Variants in DNAH6 observed in about 807,000 individuals in gnomAD.
DNAH6 encodes dynein axonemal heavy chain 6.
In DNAH6, 340 loss-of-function variants were observed where a neutral mutation model predicts 491.4. That is an observed-to-expected ratio of 0.69 (90% CI 0.63 to 0.76). DNAH6 has a LOEUF of 0.76. Ranked by LOEUF, DNAH6 falls within the 30% of genes least tolerant of loss-of-function variation. The pLI, the probability that DNAH6 is intolerant of heterozygous loss-of-function variation, is 0.00. For synonymous variants in DNAH6, 1,603 were observed against 1,686.1 expected, an observed-to-expected ratio of 0.95 and a Z score of 1.21; for missense variants, 4,443 against 4,972.2, an observed-to-expected ratio of 0.89 and a Z score of 3.20.
chr2:84,698,303 C>G (rs1337662336), intron 47 of DNAH6, among the ~76,000 whole-genome samples: 8 of 152,150 alleles, frequency 5.3e-5, no homozygotes, highest in African/African-American at 1.7e-4. Flanking sequence ...ATTGTCTCTC[C>G]TGCTAGGTCG....
chr2:84,605,626 A>G (rs955486374), intron 20 of DNAH6, 34 bp downstream of exon 20: 1 of 1,397,500 alleles, frequency 7.2e-7, no homozygotes, highest in East Asian at 2.5e-5. Flanking sequence ...CTTATGGTAA[A>G]GATCCCAGCC....
intron 64 of DNAH6, among the ~76,000 whole-genome samples, chr2:84,768,323 T>C (rs955756527): frequency 2.0e-5 from 3 of 151,758 alleles, no homozygotes; most frequent in African/African-American, 7.3e-5. Flanking sequence ...TTAATAAAAC[T>C]AAAAAATTCC....
intron 29 of DNAH6, among the ~76,000 whole-genome samples, chr2:84,629,014 G>A (rs1020708037): frequency 2.0e-5 from 3 of 152,040 alleles, no homozygotes; most frequent in Non-Finnish European, 4.4e-5. Flanking sequence ...AATTTAAAAC[G>A]TAGTATCATT....
chr2:84,663,378 T>A (rs1193840191), intron 37 of DNAH6, among the ~76,000 whole-genome samples: 1 of 152,016 alleles, frequency 6.6e-6, no homozygotes, highest in Non-Finnish European at 1.5e-5. Context: ...CTGACTAGAA[T>A]AAACAGCATG....
intron 70 of DNAH6, among the ~76,000 whole-genome samples, chr2:84,798,526 G>A (rs1678555643): frequency 6.6e-6 from 1 of 152,180 alleles, no homozygotes; most frequent in South Asian, 2.1e-4. Flanking sequence ...ATCCCCCAAA[G>A]CTCTCCATGT....
At chr2:84,712,422 C>T (rs1229220123) in intron 56 of DNAH6, among the ~76,000 whole-genome samples, 2 of 152,114 alleles carry the variant, frequency 1.3e-5, no homozygotes, top group East Asian at 3.9e-4. Flanking sequence ...TGATGGGATC[C>T]CTGGGCAATG....
intron 68 of DNAH6, among the ~76,000 whole-genome samples, chr2:84,789,020 A>G (rs1369696714): frequency 6.6e-6 from 1 of 152,214 alleles, no homozygotes; most frequent in East Asian, 1.9e-4. Flanking sequence ...TTGAAGCAGA[A>G]CAAGCATCAA....
chr2:84,705,477 G>C lies in DNAH6; in HGVS notation c.8466-9G>C, dbSNP rs564294991. 3 of 1,533,452 alleles carry C rather than the reference G, an allele frequency of 2.0e-6. No individual in the cohort carries two copies. Among genetic ancestry groups the C allele is most frequent in the Middle Eastern group, 1.7e-4 (1 of 5,862 alleles). The allele number at this position is 1,533,452 out of a possible 1,614,324, so 95.0% of individuals were successfully genotyped here. ...TCAGTGCCATTAATATATCATGTCT[G>C]TCTTTCAGGCCTGATTGGCCATCAG... On this transcript the variant is annotated splice_polypyrimidine_tract_variant and intron_variant, in intron 51 of 76. Coordinates refer to ENST00000389394, the MANE Select transcript of DNAH6 (RefSeq NM_001370.2).
chr2:84,511,449 C>T, the DNAH6 span, among the ~76,000 whole-genome samples: 2 of 148,716 alleles, frequency 1.3e-5, no homozygotes, highest in South Asian at 4.1e-4. Flanking sequence ...GGGAGTGACC[C>T]AATTTTCCAG....
intron 63 of DNAH6, among the ~76,000 whole-genome samples, chr2:84,754,745 A>G (rs971314235): frequency 6.6e-6 from 1 of 152,182 alleles, no homozygotes; most frequent in African/African-American, 2.4e-5. Context: ...TTCCTTTTTC[A>G]AGATCGTTTT....
intron 70 of DNAH6, among the ~76,000 whole-genome samples, chr2:84,802,756 A>G (rs540316424): frequency 8.3e-4 from 126 of 152,316 alleles, no homozygotes; most frequent in African/African-American, 2.9e-3. Context: ...CAAAGAATAT[A>G]CAGTCTTCTC....
intron 11 of DNAH6, 93 bp downstream of exon 11, chr2:84,558,028 C>T: frequency 5.9e-6 from 5 of 854,378 alleles, no homozygotes; most frequent in Non-Finnish European, 6.7e-6. Flanking sequence ...TTTAAATGTT[C>T]TACATGTGAA....
intron 15 of DNAH6, chr2:84,584,876 T>G (rs1045853264): frequency 6.6e-6 from 1 of 152,186 alleles, no homozygotes; most frequent in Admixed American, 6.5e-5. Context: ...AAAAATAAAC[T>G]TTGCTGGTAT....
chr2:84,711,519 A>C (rs1168800844), intron 56 of DNAH6, among the ~76,000 whole-genome samples: 1 of 152,222 alleles, frequency 6.6e-6, no homozygotes, highest in Non-Finnish European at 1.5e-5. Flanking sequence ...ATATGTTAGC[A>C]TTAACTAATA....
chr2:84,813,321 G>A (rs930762827), intron 74 of DNAH6, among the ~76,000 whole-genome samples, 191 bp downstream of exon 74: 1 of 152,206 alleles, frequency 6.6e-6, no homozygotes, highest in African/African-American at 2.4e-5. Context: ...GATAGCAGAT[G>A]TTCCCCAACA....
chr2:84,808,280 TA>T, intron 71 of DNAH6, 134 bp from the exon 72 acceptor site: 2 of 990,140 alleles, frequency 2.0e-6, no homozygotes, highest in East Asian at 5.6e-5. Context: ...ACATCACATT[TA>T]AATCCTATGT....
the DNAH6 span, among the ~76,000 whole-genome samples, chr2:84,469,377 CAT>C: frequency 6.6e-6 from 1 of 151,824 alleles, no homozygotes; most frequent in African/African-American, 2.4e-5. This position sits in a 1 kb window ranked among gnomAD's most constrained non-coding sequence, Gnocchi z 4.0. Flanking sequence ...TGTGATAAAA[CAT>C]AGTCATTAGC....
intron 53 of DNAH6, among the ~76,000 whole-genome samples, chr2:84,707,300 A>C (rs1696565943): frequency 6.6e-6 from 1 of 152,236 alleles, no homozygotes; most frequent in South Asian, 2.1e-4. Context: ...CAACCAGAGT[A>C]ATGGAGTATC....
chr2:84,782,117 A>C (rs1323431127), intron 65 of DNAH6, among the ~76,000 whole-genome samples: 1 of 151,948 alleles, frequency 6.6e-6, no homozygotes, highest in Non-Finnish European at 1.5e-5. Flanking sequence ...GCCACACCTA[A>C]CCCATGGGCG....
Sources: gnomAD v4.1 joint callset for allele counts (sites outside exome capture counted in the v4.1 genomes callset) on GRCh38, gnomAD v4.1.1 for gene constraint, Gnocchi (gnomAD v3.1) non-coding constraint, MANE v1.5 for transcripts, NCBI Gene and HGNC (gene_info 2026-07-23, HGNC 2026-07-21) for gene names.